ZNF362: variants seen among roughly 807,000 people sequenced by gnomAD.
The protein encoded by ZNF362 is rotund homolog.
A neutral mutation model predicts 42.9 loss-of-function variants in ZNF362; 11 were observed. The ratio of observed to expected loss-of-function variants is 0.26; its 90% CI spans 0.16 to 0.42. The LOEUF (loss-of-function observed/expected upper bound fraction) is 0.42. ZNF362 is among the 20% of genes least tolerant of loss of function. ZNF362 has a pLI of 1.00. For synonymous variants in ZNF362, 255 were observed against 257.3 expected (o/e 0.99, Z 0.09); for missense variants, 362 against 576.2 (o/e 0.63, Z 3.81).
In ZNF362 at chr1:33,299,837, T is replaced by G. The variant is rs1646154047; in HGVS notation, c.*791T>G. The G allele has an allele frequency of 1.3e-5, 2 of 152,780 alleles. No individual in the cohort carries two copies. Among genetic ancestry groups the G allele is most frequent in the African/African-American group, 4.8e-5 (2 of 41,466 alleles). 9.5% of individuals were successfully genotyped at this position (152,780 alleles called of 1,614,324 possible). A position where few individuals can be genotyped will look rare whatever the true frequency, so the allele number is the denominator to read the frequency against. ...GGTGCTGGCCAGGAAACCTTTCGGC[T>G]ACCTCTCCCACCATCCCAGACTGTG... On this transcript the variant is annotated 3_prime_UTR_variant, in exon 9 of 9. Transcript: ENST00000539719.
At chr1:33,227,860 CTT>C in the ZNF362 span, among the ~76,000 whole-genome samples, 1 of 150,930 alleles carries the variant, frequency 6.6e-6, no homozygotes. Flanking sequence ...GGGAAGGGAT[CTT>C]TTTTTTTTCC....
chr1:33,214,847 C>A, the ZNF362 span, among the ~76,000 whole-genome samples: 1 of 152,158 alleles, frequency 6.6e-6, no homozygotes. Context: ...CAGGCAATAA[C>A]AAATACTGGT....
the ZNF362 span, among the ~76,000 whole-genome samples, chr1:33,154,921 G>C: frequency 6.6e-6 from 1 of 151,406 alleles, no homozygotes; most frequent in Non-Finnish European, 1.5e-5. Flanking sequence ...GTGAAACCCC[G>C]TCTCTACTAA....
the ZNF362 span, chr1:33,158,487 G>C: frequency 5.5e-6 from 4 of 725,130 alleles, no homozygotes; most frequent in African/African-American, 7.0e-5. Context: ...TGAGAAGTCT[G>C]TGGGACTCAG....
At chr1:33,222,186 A>G in the ZNF362 span, among the ~76,000 whole-genome samples, 4 of 152,136 alleles carry the variant, frequency 2.6e-5, no homozygotes, top group East Asian at 7.7e-4. Context: ...ATACCATGGA[A>G]ATGGCATCAG....
At chr1:33,189,718 T>TATATATATATATATATAC in the ZNF362 span, among the ~76,000 whole-genome samples, 22 of 125,796 alleles carry the variant, frequency 1.7e-4, 2 homozygotes, top group African/African-American at 5.4e-4. Context: ...CGTATATATA[T>TATATATATATATATATAC]ACATACACAC....
intron 1 of ZNF362, among the ~76,000 whole-genome samples, chr1:33,258,990 T>G (rs1020186115): frequency 1.3e-5 from 2 of 152,146 alleles, no homozygotes; most frequent in Non-Finnish European, 2.9e-5. Context: ...CTTCTAGGTT[T>G]TGGACTCTCT....
the ZNF362 span, among the ~76,000 whole-genome samples, chr1:33,245,938 TCAAA>T: frequency 1.1e-4 from 16 of 151,938 alleles, no homozygotes; most frequent in African/African-American, 3.9e-4. Context: ...AGACCCTATC[TCAAA>T]CAGAGAGAGA....
the ZNF362 span, chr1:33,165,609 T>C: frequency 6.5e-7 from 1 of 1,536,316 alleles, no homozygotes; most frequent in East Asian, 2.4e-5. This position sits in a 1 kb window ranked among gnomAD's most constrained non-coding sequence, Gnocchi z 4.0. Flanking sequence ...GGGCCATGCC[T>C]GGCCCAGGCA....
At chr1:33,298,412 T>A (rs1646139946) in intron 8 of ZNF362, among the ~76,000 whole-genome samples, 1 of 152,216 alleles carries the variant, frequency 6.6e-6, no homozygotes, top group Non-Finnish European at 1.5e-5. Flanking sequence ...TACTCCATGC[T>A]AAGGGCTTGA....
intron 1 of ZNF362, among the ~76,000 whole-genome samples, chr1:33,267,184 T>C (rs925594949): frequency 2.6e-5 from 4 of 152,140 alleles, no homozygotes; most frequent in African/African-American, 9.7e-5. Context: ...TTGTCAAAGG[T>C]TGCTTAACTT....
chr1:33,235,967 A>T, the ZNF362 span, among the ~76,000 whole-genome samples: 7 of 152,164 alleles, frequency 4.6e-5, no homozygotes, highest in Non-Finnish European at 7.4e-5. Context: ...GAAGTTACTG[A>T]TTTATTGGAA....
chr1:33,257,641 C>T (rs1645803096), intron 1 of ZNF362, among the ~76,000 whole-genome samples: 1 of 152,054 alleles, frequency 6.6e-6, no homozygotes, highest in Non-Finnish European at 1.5e-5. Flanking sequence ...GCTCTATAAA[C>T]ATGGCATTGT....
the ZNF362 span, among the ~76,000 whole-genome samples, chr1:33,244,193 G>C: frequency 3.2e-3 from 489 of 151,892 alleles, 20 homozygotes; most frequent in East Asian, 0.078. The surrounding 1 kb of genome is among the most constrained non-coding windows in gnomAD (Gnocchi z 4.0). Context: ...CATTCCCAGA[G>C]GGGCAGGGCC....
the ZNF362 span, among the ~76,000 whole-genome samples, chr1:33,131,487 GT>G: frequency 6.6e-6 from 1 of 152,100 alleles, no homozygotes; most frequent in Non-Finnish European, 1.5e-5. Flanking sequence ...AATTGAATGT[GT>G]TATAAGTGTA....
chr1:33,285,931 C>G (rs776278596), intron 6 of ZNF362, among the ~76,000 whole-genome samples: 3 of 152,050 alleles, frequency 2.0e-5, no homozygotes, highest in Admixed American at 1.3e-4. Flanking sequence ...GGTGTGGTGG[C>G]GGGTGCCTGT....
chr1:33,210,834 G>A, the ZNF362 span, among the ~76,000 whole-genome samples: 5 of 151,962 alleles, frequency 3.3e-5, no homozygotes, highest in Non-Finnish European at 7.4e-5. Flanking sequence ...CATGTGAGAT[G>A]TGTCTCCTGA....
chr1:33,249,485 T>A, the ZNF362 span, among the ~76,000 whole-genome samples: 1 of 152,156 alleles, frequency 6.6e-6, no homozygotes, highest in Admixed American at 6.5e-5. Flanking sequence ...TCCATTCATA[T>A]CTCTGCTTAA....
At chr1:33,276,028 G>A (rs1161603727) in intron 2 of ZNF362, 72 bp from the exon 3 acceptor site, 15 of 1,557,274 alleles carry the variant, frequency 9.6e-6, no homozygotes, top group African/African-American at 1.4e-5. Flanking sequence ...TTGAGTGGGC[G>A]CAGCTGAGGG....
Sources: gnomAD v4.1 joint callset for allele counts (sites outside exome capture counted in the v4.1 genomes callset) on GRCh38, gnomAD v4.1.1 for gene constraint, Gnocchi (gnomAD v3.1) non-coding constraint, MANE v1.5 for transcripts, NCBI Gene and HGNC (gene_info 2026-07-23, HGNC 2026-07-21) for gene names.